ABCA13: variants seen among roughly 807,000 people sequenced by gnomAD.
ABCA13 encodes ATP-binding cassette sub-family A member 13.
ABCA13 carries 476 observed loss-of-function variants against 478.7 expected under a neutral mutation model. The observed-to-expected ratio is 0.99, with a 90% CI of 0.92 to 1.07. ABCA13 has a LOEUF of 1.07. Ranked by LOEUF, ABCA13 falls within the 50% of genes least tolerant of loss-of-function variation. ABCA13 has a pLI of 0.00. For missense variants in ABCA13, 6,060 were observed against 5,910.6 expected (o/e 1.03, Z -0.83); for synonymous variants, 2,252 against 2,158.9 (o/e 1.04, Z -1.20).
rs760447913 is a variant in ABCA13 at position 48,594,697 on chromosome 7, G to A, written c.14641-13G>A. The stretch of plus-strand genomic sequence containing the variant: ...TTTCAAATGCTGATTACTCTGTGTT[G>A]CCTTTCCTTCAGGATGAGCCCAGCT... On this transcript the variant is annotated splice_polypyrimidine_tract_variant and intron_variant, in intron 57 of 61. Transcript: ENST00000435803. 3 of 1,609,874 alleles carry A rather than the reference G, an allele frequency of 1.9e-6. No individual in the cohort carries two copies. Among genetic ancestry groups the A allele is most frequent in the East Asian group, 4.5e-5 (2 of 44,836 alleles).
Position 48,320,035 on chromosome 7 carries a change from G to A in ABCA13, c.9999+2739G>A, listed in dbSNP as rs542318673. On this transcript the variant is annotated intron_variant, in intron 27 of 61. Transcript: ENST00000435803. ...CCATCTATCAGCCTTAAAGACAGTG[G>A]AGGTCAAGCATTTTCATGAACTGGA... 5.3e-5 allele frequency among the ~76,000 whole-genome samples: 8 copies of A among 152,260 alleles called. 2 individuals carry two copies. Among genetic ancestry groups the A allele is most frequent in the African/African-American group, 1.7e-4 (7 of 41,516 alleles).
chr7:48,609,341 TA>T (rs757035577), intron 58 of ABCA13, among the ~76,000 whole-genome samples: 2 of 152,204 alleles, frequency 1.3e-5, no homozygotes, highest in Non-Finnish European at 2.9e-5. Flanking sequence ...AATCTGTCCA[TA>T]TCCATGCAGT....
chr7:48,243,183 G>T (rs1366962482), intron 10 of ABCA13: 1 of 152,312 alleles, frequency 6.6e-6, no homozygotes, highest in Non-Finnish European at 1.5e-5. Context: ...ACAGATGTGG[G>T]GGGAATAGTC....
chr7:48,198,420 T>G (rs1798232167), intron 3 of ABCA13, 60 bp downstream of exon 3: 1 of 1,581,408 alleles, frequency 6.3e-7, no homozygotes, highest in Non-Finnish European at 8.6e-7. Context: ...TAGAACAGGC[T>G]TCTGCTTTTT....
At chr7:48,479,588 G>T (rs991598195) in intron 45 of ABCA13, among the ~76,000 whole-genome samples, 5 of 152,102 alleles carry the variant, frequency 3.3e-5, no homozygotes, top group African/African-American at 1.2e-4. Context: ...TAGTCATTAT[G>T]TTGTACAATA....
At chr7:48,625,962 A>G (rs1406322298) in intron 59 of ABCA13, among the ~76,000 whole-genome samples, 2 of 152,216 alleles carry the variant, frequency 1.3e-5, no homozygotes, top group Non-Finnish European at 2.9e-5. Context: ...TGAAAATGTG[A>G]TTCCTAATCT....
intron 59 of ABCA13, among the ~76,000 whole-genome samples, chr7:48,618,950 G>T (rs927440389): frequency 6.6e-6 from 1 of 152,214 alleles, no homozygotes; most frequent in Admixed American, 6.5e-5. Flanking sequence ...CAAAGTATTA[G>T]AATACAGAAG....
chr7:48,362,946 C>T (rs527288098), intron 31 of ABCA13, among the ~76,000 whole-genome samples: 6 of 152,092 alleles, frequency 3.9e-5, no homozygotes, highest in Non-Finnish European at 7.4e-5. Flanking sequence ...AACTCATTCC[C>T]CATTATCCTT....
intron 58 of ABCA13, among the ~76,000 whole-genome samples, chr7:48,614,937 G>A (rs1351699131): frequency 2.7e-5 from 4 of 148,718 alleles, no homozygotes; most frequent in South Asian, 2.2e-4. Flanking sequence ...CTAATGCTAA[G>A]TGACGAGTTA....
Position 48,275,594 on chromosome 7 carries a change from A to G in ABCA13, c.5928A>G (p.Lys1976=), listed in dbSNP as rs1796194609. The G allele has an allele frequency of 1.2e-6, 2 of 1,612,568 alleles. No individual in the cohort carries two copies. Among genetic ancestry groups the G allele is most frequent in the East Asian group, 4.5e-5 (2 of 44,836 alleles). The change falls in exon 17 of 62, where the codon AAA becomes AAG. Residue 1976 remains lysine, a synonymous_variant. Coordinates refer to ENST00000435803, the MANE Select transcript of ABCA13 (RefSeq NM_152701.5). ...CATCAGGTGAAAATATTCTTGACAAACTAAGTAGTTTAAACAAGATCCTTA... is the reference window on the plus strand; with the variant it reads ...CATCAGGTGAAAATATTCTTGACAAGCTAAGTAGTTTAAACAAGATCCTTA... ...KVTSGENILD[K]LSSLNKILNI...
chr7:48,410,545 C>G lies in ABCA13; in HGVS notation c.12096C>G (p.His4032Gln), dbSNP rs774810183. The G allele has an allele frequency of 6.2e-7, 1 of 1,614,044 alleles. No homozygotes were observed. Among genetic ancestry groups the G allele is most frequent in the South Asian group, 1.1e-5 (1 of 91,088 alleles). Residue 4032 changes from histidine (H) to glutamine (Q), a missense_variant, in exon 40 of 62, where the codon CAC (histidine) becomes CAG (glutamine). By Grantham distance (24) the His-to-Gln change is conservative (BLOSUM62 0). Transcript: ENST00000435803. ...REGRTIIFTT[H>Q]HLDEAEALSD... ...GTCGTACGATCATCTTCACAACCCA[C>G]CACCTGGATGAAGCTGAAGCGCTGA...
intron 59 of ABCA13, among the ~76,000 whole-genome samples, chr7:48,621,653 T>C (rs1793147817): frequency 6.6e-6 from 1 of 152,224 alleles, no homozygotes; most frequent in Non-Finnish European, 1.5e-5. Context: ...ATTTTTTTGA[T>C]ACTTCTAAGT....
chr7:48,293,198 C>CCCCT (rs891287185), intron 20 of ABCA13, among the ~76,000 whole-genome samples: 3 of 134,772 alleles, frequency 2.2e-5, no homozygotes, highest in African/African-American at 5.2e-5. Context: ...TTCAGCCCCC[C>CCCCT]CCCCGCCACA....
At chr7:48,372,741 T>C (rs142012046) in intron 33 of ABCA13, among the ~76,000 whole-genome samples, 2,219 of 152,340 alleles carry the variant, frequency 0.015, 19 homozygotes, top group Non-Finnish European at 0.023. Flanking sequence ...CTGCAGATTC[T>C]GGAAAATAAG....
At chr7:48,597,733 T>C (rs937595386) in intron 58 of ABCA13, among the ~76,000 whole-genome samples, 3 of 152,232 alleles carry the variant, frequency 2.0e-5, no homozygotes, top group Non-Finnish European at 4.4e-5. Context: ...GTATTACTTC[T>C]TTAGTGAAAT....
intron 1 of ABCA13, among the ~76,000 whole-genome samples, chr7:48,175,355 G>A (rs1055687087): frequency 1.3e-5 from 2 of 152,070 alleles, no homozygotes; most frequent in Non-Finnish European, 2.9e-5. Context: ...TATGTCAAAT[G>A]TTTATTATTT....
rs1216087607 is a variant in ABCA13, at chr7:48,274,106, A to G, written c.4440A>G (p.Lys1480=). ...TTGTACTTACTACAGTCTTTGAAAA[A>G]GAGAAGAAACCTAAATTTGAGATTT... ...LNIVLTTVFE[K]EKKPKFEILL... is the part of the protein sequence containing the mutation. The change falls in exon 17 of 62, where the codon AAA becomes AAG. Residue 1480 remains lysine, a synonymous_variant. Coordinates refer to ENST00000435803, the MANE Select transcript of ABCA13 (RefSeq NM_152701.5). 2.5e-6 allele frequency: 4 copies of G among 1,606,950 alleles called. No homozygotes were observed. Among genetic ancestry groups the G allele is most frequent in the East Asian group, 2.2e-5 (1 of 44,710 alleles).
intron 45 of ABCA13, among the ~76,000 whole-genome samples, chr7:48,477,473 A>C (rs1046361822): frequency 1.4e-4 from 22 of 152,030 alleles, no homozygotes; most frequent in African/African-American, 4.8e-4. Flanking sequence ...CACAATAGCA[A>C]AGACTTGGAA....
At chr7:48,437,896 T>C (rs1370917276) in intron 42 of ABCA13, among the ~76,000 whole-genome samples, 1 of 152,080 alleles carries the variant, frequency 6.6e-6, no homozygotes, top group African/African-American at 2.4e-5. Flanking sequence ...CCTTGGCCAC[T>C]TTCAAATGCC....
Sources: gnomAD v4.1 joint callset for allele counts (sites outside exome capture counted in the v4.1 genomes callset) on GRCh38, gnomAD v4.1.1 for gene constraint, MANE v1.5 for transcripts, NCBI Gene and HGNC (gene_info 2026-07-23, HGNC 2026-07-21) for gene names.